Variants in PTPRD observed in about 807,000 individuals in gnomAD.
PTPRD encodes the protein receptor-type tyrosine-protein phosphatase delta.
PTPRD carries 34 observed loss-of-function variants against 214.5 expected under a neutral mutation model. The ratio of observed to expected loss-of-function variants is 0.16; its 90% CI spans 0.12 to 0.21. The LOEUF (loss-of-function observed/expected upper bound fraction) is 0.21, where lower values mean the gene tolerates loss of function less well. Ranked by LOEUF, PTPRD falls within the 10% of genes least tolerant of loss-of-function variation. The probability of loss-of-function intolerance (pLI) is 1.00; values close to 1 mark genes in which losing one functional copy is unlikely to be tolerated. For missense variants in PTPRD, 2,545 were observed against 2,398.7 expected (o/e 1.06, Z -1.27); for synonymous variants, 1,128 against 845.7 (o/e 1.33, Z -5.79).
At chr9:9,287,843 A>G (rs1949999440) in intron 9 of PTPRD, among the ~76,000 whole-genome samples, 1 of 151,862 alleles carries the variant, frequency 6.6e-6, no homozygotes, top group African/African-American at 2.4e-5. Context: ...AACAACCTTG[A>G]CACTTCTATT....
intron 3 of PTPRD, among the ~76,000 whole-genome samples, chr9:10,110,211 C>A (rs1391468311): frequency 2.0e-5 from 3 of 152,154 alleles, no homozygotes; most frequent in African/African-American, 7.2e-5. Flanking sequence ...TCATCTACAG[C>A]ACTAAATCAA....
At chr9:10,522,188 T>C (rs1293235140) in intron 2 of PTPRD, among the ~76,000 whole-genome samples, 1 of 152,142 alleles carries the variant, frequency 6.6e-6, no homozygotes. Context: ...CAGTGGATAT[T>C]GAAGGAATTG....
chr9:9,314,750 T>A (rs1195432271), intron 9 of PTPRD, among the ~76,000 whole-genome samples: 1 of 152,100 alleles, frequency 6.6e-6, no homozygotes, highest in Non-Finnish European at 1.5e-5. Context: ...TGAATGGTTT[T>A]TATTTTCATT....
At chr9:9,552,232 T>C (rs1458520742) in intron 8 of PTPRD, among the ~76,000 whole-genome samples, 2 of 151,976 alleles carry the variant, frequency 1.3e-5, no homozygotes, top group Non-Finnish European at 2.9e-5. Context: ...TTCCACGCCA[T>C]CTCTTAACAA....
intron 2 of PTPRD, among the ~76,000 whole-genome samples, chr9:10,490,385 G>T (rs1314855374): frequency 6.6e-6 from 1 of 152,108 alleles, no homozygotes; most frequent in Non-Finnish European, 1.5e-5. Flanking sequence ...GTAAAAGACA[G>T]TGTTCATAAA....
chr9:10,201,009 G>T (rs2099417852), intron 3 of PTPRD, among the ~76,000 whole-genome samples: 1 of 151,986 alleles, frequency 6.6e-6, no homozygotes, highest in African/African-American at 2.4e-5. Context: ...GATAGAGAGG[G>T]AGAAATCACA....
intron 21 of PTPRD, among the ~76,000 whole-genome samples, chr9:8,514,531 T>A (rs2138140311): frequency 6.6e-6 from 1 of 152,012 alleles, no homozygotes; most frequent in East Asian, 1.9e-4. Context: ...CTTAGTTTTT[T>A]TTTTTTTTTC....
At chr9:9,786,833 T>C (rs2098928190) in intron 5 of PTPRD, among the ~76,000 whole-genome samples, 1 of 152,186 alleles carries the variant, frequency 6.6e-6, no homozygotes, top group East Asian at 1.9e-4. Context: ...TACTAATTTT[T>C]ATTAACTTCA....
At chr9:9,301,311 C>T (rs1268579621) in intron 9 of PTPRD, among the ~76,000 whole-genome samples, 1 of 151,750 alleles carries the variant, frequency 6.6e-6, no homozygotes, top group East Asian at 1.9e-4. Flanking sequence ...GAGACTGTGC[C>T]AACTGAAATG....
intron 26 of PTPRD, among the ~76,000 whole-genome samples, chr9:8,493,654 G>A (rs2097195014): frequency 6.6e-6 from 1 of 152,082 alleles, no homozygotes; most frequent in South Asian, 2.1e-4. Flanking sequence ...ATCCACTGAG[G>A]AGAATTTTCA....
intron 8 of PTPRD, among the ~76,000 whole-genome samples, chr9:9,459,537 A>G (rs2093430960): frequency 6.6e-6 from 1 of 152,138 alleles, no homozygotes; most frequent in Non-Finnish European, 1.5e-5. Flanking sequence ...ACAAAAATCA[A>G]TTCCATTTCT....
chr9:9,280,924 A>G (rs999277409), intron 9 of PTPRD, among the ~76,000 whole-genome samples: 2 of 151,224 alleles, frequency 1.3e-5, no homozygotes, highest in Non-Finnish European at 3.0e-5. Flanking sequence ...ATGACAGACA[A>G]ATAGATCAAT....
At chr9:10,489,442 C>T (rs2099153676) in intron 2 of PTPRD, among the ~76,000 whole-genome samples, 2 of 152,128 alleles carry the variant, frequency 1.3e-5, no homozygotes, top group African/African-American at 4.8e-5. Flanking sequence ...GGGGTGATGA[C>T]AGCAATCCCT....
intron 7 of PTPRD, among the ~76,000 whole-genome samples, chr9:9,654,542 G>C (rs1328650611): frequency 6.6e-6 from 1 of 152,046 alleles, no homozygotes; most frequent in Non-Finnish European, 1.5e-5. Context: ...TGAGAATGTG[G>C]AAATAAACAA....
intron 9 of PTPRD, among the ~76,000 whole-genome samples, chr9:9,395,910 T>C (rs1449086234): frequency 1.3e-5 from 2 of 152,136 alleles, no homozygotes; most frequent in South Asian, 2.1e-4. Flanking sequence ...AATCGGACTA[T>C]TGCAAAGTGA....
intron 8 of PTPRD, among the ~76,000 whole-genome samples, chr9:9,493,988 C>T (rs1243864492): frequency 6.6e-6 from 1 of 151,952 alleles, no homozygotes; most frequent in Non-Finnish European, 1.5e-5. Flanking sequence ...TCAACCGTAA[C>T]AGAGTTTGGA....
At chr9:9,374,944 T>C (rs1204274398) in intron 9 of PTPRD, among the ~76,000 whole-genome samples, 1 of 152,216 alleles carries the variant, frequency 6.6e-6, no homozygotes, top group Admixed American at 6.5e-5. Flanking sequence ...TTTGGCTTGA[T>C]ATAAAAGACT....
intron 4 of PTPRD, among the ~76,000 whole-genome samples, chr9:10,004,786 T>C (rs1436572774): frequency 6.6e-6 from 1 of 152,088 alleles, no homozygotes; most frequent in Non-Finnish European, 1.5e-5. Context: ...AAGTTTACAG[T>C]AGTGTATTCA....
At chr9:9,281,125 C>T (rs944693869) in intron 9 of PTPRD, among the ~76,000 whole-genome samples, 2 of 151,002 alleles carry the variant, frequency 1.3e-5, no homozygotes, top group African/African-American at 4.8e-5. Flanking sequence ...CAAACATAGA[C>T]CTAAAATTAA....
Sources: gnomAD v4.1 joint callset for allele counts (sites outside exome capture counted in the v4.1 genomes callset) on GRCh38, gnomAD v4.1.1 for gene constraint, MANE v1.5 for transcripts, NCBI Gene and HGNC (gene_info 2026-07-23, HGNC 2026-07-21) for gene names.